LRMDA: variants seen among roughly 807,000 people sequenced by gnomAD.
LRMDA encodes leucine rich melanocyte differentiation associated, also known as leucine-rich melanocyte differentiation-associated protein.
LRMDA carries 18 observed loss-of-function variants against 29.8 expected under a neutral mutation model. The observed-to-expected ratio is 0.60, with a 90% CI of 0.42 to 0.90. LRMDA has a LOEUF of 0.90. Among genes scored for constraint, LRMDA ranks in the 40% least tolerant of loss-of-function variants. LRMDA has a pLI of 0.00. For missense variants in LRMDA, 273 were observed against 273.9 expected (o/e 1.00, Z 0.02); for synonymous variants, 125 against 109.4 (o/e 1.14, Z -0.89).
intron 6 of LRMDA, among the ~76,000 whole-genome samples, chr10:76,469,631 G>C (rs549163380): frequency 2.0e-5 from 3 of 152,096 alleles, no homozygotes; most frequent in African/African-American, 7.2e-5. Context: ...AACAGAGTGA[G>C]GGAAGTTCAA....
At chr10:75,957,528 C>G (rs547713481) in intron 2 of LRMDA, among the ~76,000 whole-genome samples, 2 of 152,296 alleles carry the variant, frequency 1.3e-5, no homozygotes, top group South Asian at 2.1e-4. Flanking sequence ...TTCATTGTCA[C>G]CAACGGGCCT....
chr10:76,010,333 G>A (rs1471749465), intron 2 of LRMDA, among the ~76,000 whole-genome samples: 4 of 135,452 alleles, frequency 3.0e-5, no homozygotes, highest in Non-Finnish European at 6.4e-5. Context: ...TTTTTTTTGA[G>A]ACAGTGTCTC....
intron 2 of LRMDA, among the ~76,000 whole-genome samples, chr10:75,625,887 T>A (rs1468925221): frequency 6.6e-6 from 1 of 152,066 alleles, no homozygotes; most frequent in Non-Finnish European, 1.5e-5. Flanking sequence ...GGTCTCACTC[T>A]GTCACCTAGG....
At chr10:75,955,097 A>T (rs1219367690) in intron 2 of LRMDA, among the ~76,000 whole-genome samples, 1 of 152,212 alleles carries the variant, frequency 6.6e-6, no homozygotes, top group Non-Finnish European at 1.5e-5. Context: ...GGCACATTAG[A>T]TTCATATAAT....
chr10:75,970,667 G>T (rs909985551), intron 2 of LRMDA, among the ~76,000 whole-genome samples: 1 of 152,186 alleles, frequency 6.6e-6, no homozygotes, highest in African/African-American at 2.4e-5. Flanking sequence ...GGAGAAAGCT[G>T]GGAAACTTGT....
At chr10:75,494,135 A>G (rs1471082983) in intron 2 of LRMDA, among the ~76,000 whole-genome samples, 1 of 152,204 alleles carries the variant, frequency 6.6e-6, no homozygotes, top group Non-Finnish European at 1.5e-5. Flanking sequence ...ATATGCTATG[A>G]AGTGGGGCTG....
intron 5 of LRMDA, among the ~76,000 whole-genome samples, chr10:76,200,106 C>T (rs561967350): frequency 2.0e-5 from 3 of 152,148 alleles, no homozygotes; most frequent in South Asian, 2.1e-4. Context: ...GGACTATAGG[C>T]GTGTGCCACC....
chr10:76,545,181 G>GTTTTTTTTTTTT (rs11291434), intron 6 of LRMDA, among the ~76,000 whole-genome samples: 1 of 140,486 alleles, frequency 7.1e-6, no homozygotes, highest in African/African-American at 2.6e-5. Context: ...TTTTTATTTT[G>GTTTTTTTTTTTT]TTTTTTTTTT....
At chr10:76,015,703 C>T (rs1017456469) in intron 2 of LRMDA, among the ~76,000 whole-genome samples, 1 of 152,194 alleles carries the variant, frequency 6.6e-6, no homozygotes, top group African/African-American at 2.4e-5. Flanking sequence ...ATGCCTGACA[C>T]ACCATCAGCT....
intron 6 of LRMDA, among the ~76,000 whole-genome samples, chr10:76,433,294 T>C (rs112018095): frequency 3.3e-5 from 5 of 152,258 alleles, no homozygotes; most frequent in African/African-American, 1.2e-4. Flanking sequence ...CACTGTGTCA[T>C]GTCAAATCAT....
intron 2 of LRMDA, among the ~76,000 whole-genome samples, chr10:75,548,723 C>T (rs1840108509): frequency 6.6e-6 from 1 of 152,026 alleles, no homozygotes; most frequent in East Asian, 1.9e-4. Flanking sequence ...TATTTCTTAT[C>T]TCTTTGATCT....
chr10:76,242,430 G>T (rs1387758589), intron 5 of LRMDA: 1 of 152,222 alleles, frequency 6.6e-6, no homozygotes, highest in African/African-American at 2.4e-5. Flanking sequence ...GTGGGCCCAG[G>T]CTCCTCCAAA....
intron 6 of LRMDA, among the ~76,000 whole-genome samples, chr10:76,520,950 C>T (rs1384721323): frequency 6.6e-6 from 1 of 151,986 alleles, no homozygotes; most frequent in Non-Finnish European, 1.5e-5. Context: ...ACTCATAGAA[C>T]ATTTGATAAA....
At chr10:75,503,932 G>A (rs1445570871) in intron 2 of LRMDA, among the ~76,000 whole-genome samples, 1 of 151,818 alleles carries the variant, frequency 6.6e-6, no homozygotes, top group African/African-American at 2.4e-5. Context: ...ATAATAAGGG[G>A]TATTAATGAA....
intron 2 of LRMDA, among the ~76,000 whole-genome samples, chr10:75,671,879 G>A (rs548998407): frequency 1.3e-5 from 2 of 152,196 alleles, no homozygotes; most frequent in South Asian, 4.1e-4. Context: ...CACATGTATT[G>A]CTTGTGCAAT....
rs556641246 is a variant in LRMDA at position 76,293,037 on chromosome 10, C to T, written c.517-31364C>T. The stretch of plus-strand genomic sequence containing the variant: ...AGTCTGTAATGCAGCAGCACAATCT[C>T]GGCTCGGCTCACTGCAAGCTCCACC... On this transcript the variant is annotated intron_variant, in intron 5 of 6. Transcript: ENST00000611255. Among the ~76,000 whole-genome samples, 8 of 152,272 alleles carry T rather than the reference C, an allele frequency of 5.3e-5. No homozygotes were observed. In the South Asian group the frequency reaches 6.2e-4, roughly 12 times the overall value.
intron 6 of LRMDA, among the ~76,000 whole-genome samples, chr10:76,361,557 A>G (rs1841313297): frequency 6.6e-6 from 1 of 152,132 alleles, no homozygotes; most frequent in African/African-American, 2.4e-5. Context: ...CTACCATTAC[A>G]TGCCAAGTAC....
At chr10:75,561,392 AT>A (rs1177607851) in intron 2 of LRMDA, among the ~76,000 whole-genome samples, 3 of 150,220 alleles carry the variant, frequency 2.0e-5, no homozygotes, top group Admixed American at 1.3e-4. Flanking sequence ...CCCCTTTATC[AT>A]TTTTTATTGC....
In LRMDA at chr10:76,214,362, C is replaced by T. The variant is rs796310463; in HGVS notation, c.517-110039C>T. 1.7e-4 allele frequency among the ~76,000 whole-genome samples: 16 copies of T among 94,760 alleles called. No individual in the cohort carries two copies. In the Admixed American group the frequency reaches 2.0e-3, roughly 12 times the overall value. 62.2% of individuals were successfully genotyped at this position (94,760 alleles called of 152,430 possible). A position where few individuals can be genotyped will look rare whatever the true frequency, so the allele number is the denominator to read the frequency against. Reference sequence around the variant, plus strand: ...TTTTTTTTTTTTTTTTTTTATGAGACGGAGTCTCCTCTGTCGCCCAGGCCG... The same window carrying T: ...TTTTTTTTTTTTTTTTTTTATGAGATGGAGTCTCCTCTGTCGCCCAGGCCG... On this transcript the variant is annotated intron_variant, in intron 5 of 6. Coordinates refer to ENST00000611255, the MANE Select transcript of LRMDA (RefSeq NM_001305581.2).
Sources: allele counts gnomAD v4.1 joint callset (sites outside exome capture counted in the v4.1 genomes callset), GRCh38; gene constraint gnomAD v4.1.1; transcripts MANE v1.5; gene names NCBI Gene and HGNC (gene_info 2026-07-23, HGNC 2026-07-21).